Variants in THAP10 observed in about 807,000 individuals in gnomAD.
THAP10 encodes the protein THAP domain containing 10.
THAP10 carries 10 observed loss-of-function variants against 15.7 expected under a neutral mutation model. That is an observed-to-expected ratio of 0.64 (90% CI 0.39 to 1.08). The LOEUF (loss-of-function observed/expected upper bound fraction) is 1.08, where lower values mean the gene tolerates loss of function less well. Ranked by LOEUF, THAP10 falls within the 50% of genes least tolerant of loss-of-function variation. The probability of loss-of-function intolerance (pLI) is 0.01; values close to 1 mark genes in which losing one functional copy is unlikely to be tolerated. For missense variants in THAP10, 310 were observed against 330.9 expected, an observed-to-expected ratio of 0.94 and a Z score of 0.49; for synonymous variants, 127 against 129.1, an observed-to-expected ratio of 0.98 and a Z score of 0.11.
chr15:70,882,885 C>T lies in THAP10; in HGVS notation c.453G>A (p.Val151=). The part of the protein sequence containing the change: ...ASQITCENEL[V]QTQPHADNPS... The stretch of plus-strand genomic sequence containing the variant: ...GATTATCAGCATGGGGTTGGGTTTG[C>T]ACAAGTTCATTTTCACACGTAATCT... The change falls in exon 2 of 3, where the codon GTG becomes GTA. Residue 151 remains valine, a synonymous_variant. Transcript: ENST00000249861. 1 of 1,613,952 alleles carries T rather than the reference C, an allele frequency of 6.2e-7. No individual in the cohort carries two copies. Among genetic ancestry groups the T allele is most frequent in the South Asian group, 1.1e-5 (1 of 91,014 alleles).
At chr15:70,885,706 C>A (rs1000235905) in intron 1 of THAP10, among the ~76,000 whole-genome samples, 2 of 152,138 alleles carry the variant, frequency 1.3e-5, no homozygotes, top group African/African-American at 4.8e-5. Flanking sequence ...AATAACATAG[C>A]TTCAAGATAT....
intron 1 of THAP10, among the ~76,000 whole-genome samples, chr15:70,883,917 A>G (rs2033334865): frequency 6.6e-6 from 1 of 152,098 alleles, no homozygotes; most frequent in African/African-American, 2.4e-5. Context: ...CAGCCTCCCA[A>G]AGTGCTGGGA....
At chr15:70,889,475 G>T (rs1220757451) in intron 1 of THAP10, among the ~76,000 whole-genome samples, 1 of 152,170 alleles carries the variant, frequency 6.6e-6, no homozygotes, top group Admixed American at 6.5e-5. Context: ...GACTTGGGTT[G>T]TGGTTACACA....
intron 1 of THAP10, 31 bp from the exon 2 acceptor site, chr15:70,882,939 T>A: frequency 1.9e-6 from 3 of 1,611,528 alleles, no homozygotes; most frequent in Non-Finnish European, 2.5e-6. Flanking sequence ...AGAAACATAT[T>A]AAAGTGTACC....
chr15:70,887,707 C>T (rs2033447595), intron 1 of THAP10, among the ~76,000 whole-genome samples: 1 of 152,150 alleles, frequency 6.6e-6, no homozygotes, highest in African/African-American at 2.4e-5. Flanking sequence ...TTCCCCTCAC[C>T]TCTTCTGTTC....
At chr15:70,889,152 C>T (rs1228505898) in intron 1 of THAP10, among the ~76,000 whole-genome samples, 1 of 152,146 alleles carries the variant, frequency 6.6e-6, no homozygotes, top group Non-Finnish European at 1.5e-5. Flanking sequence ...ATGGTAGTAT[C>T]ACTTATGATA....
At position 70,882,795 on chromosome 15, in the gene THAP10, T is replaced by TTGTG; in HGVS notation, c.539_542dup (p.Gln181HisfsTer12). On this transcript the variant is annotated frameshift_variant, in exon 2 of 3. Coordinates refer to ENST00000249861, the MANE Select transcript of THAP10 (RefSeq NM_020147.4). LOFTEE classifies it low-confidence loss of function (END_TRUNC). ...GGTGACGGGGCCTTTTCAAAGAAAT[T>TTGTG]TGTGTACTTTTATGCACTGGGCCTT... 6.2e-7 allele frequency: 1 copy of TTGTG among 1,614,186 alleles called. No individual in the cohort carries two copies.
intron 1 of THAP10, among the ~76,000 whole-genome samples, chr15:70,884,698 A>C (rs1303302716): frequency 1.3e-5 from 2 of 152,216 alleles, no homozygotes; most frequent in Non-Finnish European, 2.9e-5. Context: ...GTCAAAGTCC[A>C]GAATAAACAC....
At position 70,892,114 on chromosome 15, in the gene THAP10, G is replaced by C; in HGVS notation, c.159C>G (p.Ile53Met). The change falls in exon 1 of 3, where the codon ATC becomes ATG. Residue 53 changes from isoleucine (I) to methionine (M), a missense_variant. Coordinates refer to ENST00000249861, the MANE Select transcript of THAP10 (RefSeq NM_020147.4). ...AGGCTGGGGCAAAGTGGTCAGAGCA[G>C]ATGACCGAGCGGTCATTGCCTCCGT... ...DWYGGNDRSV[I>M]CSDHFAPACF... 1 of 1,614,016 alleles carries C rather than the reference G, an allele frequency of 6.2e-7. No individual in the cohort carries two copies.
At chr15:70,883,648 A>AT (rs2033326041) in intron 1 of THAP10, among the ~76,000 whole-genome samples, 4 of 122,646 alleles carry the variant, frequency 3.3e-5, no homozygotes, top group African/African-American at 1.4e-4. Context: ...TGTGAAATGG[A>AT]ATTTTTTTTT....
At chr15:70,891,565 CTCTGTGTGTGTGTG>C (rs1280138699) in intron 1 of THAP10, among the ~76,000 whole-genome samples, 1 of 118,954 alleles carries the variant, frequency 8.4e-6, no homozygotes, top group African/African-American at 3.0e-5. Context: ...CAGGACAAGA[CTCTGTGTGTGTGTG>C]TGTGTGTGTG....
At chr15:70,884,139 A>G (rs2033341446) in intron 1 of THAP10, among the ~76,000 whole-genome samples, 1 of 152,194 alleles carries the variant, frequency 6.6e-6, no homozygotes, top group African/African-American at 2.4e-5. Context: ...AATGAAAACA[A>G]AATTAAAGTG....
chr15:70,891,026 G>C (rs1036173447), intron 1 of THAP10, among the ~76,000 whole-genome samples: 8 of 152,220 alleles, frequency 5.3e-5, no homozygotes, highest in African/African-American at 1.9e-4. Flanking sequence ...TAGTACTGCA[G>C]AAAGAGTGTT....
chr15:70,887,918 T>C (rs1450880220), intron 1 of THAP10, among the ~76,000 whole-genome samples: 2 of 152,194 alleles, frequency 1.3e-5, no homozygotes, highest in Non-Finnish European at 2.9e-5. Flanking sequence ...TATGCACTTA[T>C]AGATTATAAA....
At chr15:70,884,445 G>A (rs1027293273) in intron 1 of THAP10, among the ~76,000 whole-genome samples, 4 of 152,054 alleles carry the variant, frequency 2.6e-5, no homozygotes, top group East Asian at 1.9e-4. Flanking sequence ...GCTTGAAGCC[G>A]GGAGGCAGAG....
At chr15:70,891,214 T>G (rs1426044213) in intron 1 of THAP10, among the ~76,000 whole-genome samples, 7 of 152,058 alleles carry the variant, frequency 4.6e-5, no homozygotes, top group Non-Finnish European at 1.0e-4. Context: ...GCAAAATGAG[T>G]GCAAACAATG....
chr15:70,892,010 G>A lies in THAP10; in HGVS notation c.263C>T (p.Thr88Ile). The change falls in exon 1 of 3, where the codon ACC (threonine) becomes ATC (isoleucine). Residue 88 changes from threonine (T) to isoleucine (I), a missense_variant. Coordinates refer to ENST00000249861, the MANE Select transcript of THAP10 (RefSeq NM_020147.4). Reference sequence around the variant, plus strand: ...TGCCGGGGCGGGCACCCGGTGCAGGGTGGGCACGGCGCCTGCCACCAGCCT... The same window carrying A: ...TGCCGGGGCGGGCACCCGGTGCAGGATGGGCACGGCGCCTGCCACCAGCCT... ...RLRLVAGAVP[T>I]LHRVPAPAPK... 6.2e-7 allele frequency: 1 copy of A among 1,613,116 alleles called. No individual in the cohort carries two copies. Among genetic ancestry groups the A allele is most frequent in the Non-Finnish European group, 8.5e-7 (1 of 1,179,682 alleles).
chr15:70,881,713 C>T lies in THAP10; in HGVS notation c.*741G>A, dbSNP rs558797738. ...ATACCTAACACCTGCAATGGGAATA[C>T]GTTAGAAATGTAGTACTTTTATTTT... On this transcript the variant is annotated 3_prime_UTR_variant, in exon 3 of 3. Coordinates refer to ENST00000249861, the MANE Select transcript of THAP10 (RefSeq NM_020147.4). 8 of 152,220 alleles carry T rather than the reference C, an allele frequency of 5.3e-5. No homozygotes were observed. The highest frequency in any genetic ancestry group is 1.4e-4 in the African/African-American group (6 of 41,536). The allele number at this position is 152,220 out of a possible 1,614,324, so 9.4% of individuals were successfully genotyped here.
rs754330488 is a variant in THAP10, at chr15:70,891,984, G to A, written c.289C>T (p.Pro97Ser). The stretch of plus-strand genomic sequence containing the variant: ...TGGTCTCCCTCCTCTCCCCTCTTAG[G>A]TGCCGGGGCGGGCACCCGGTGCAGG... Reference protein sequence around the residue: ...PTLHRVPAPAPKRGEEGDQAG... With the variant: ...PTLHRVPAPASKRGEEGDQAG... Residue 97 changes from proline to serine, a missense_variant, in exon 1 of 3, where the codon CCT becomes TCT. Physicochemically the swap from Pro to Ser is moderately conservative, Grantham distance 74. Coordinates refer to ENST00000249861, the MANE Select transcript of THAP10 (RefSeq NM_020147.4). 5.0e-6 allele frequency: 8 copies of A among 1,613,394 alleles called. No individual in the cohort carries two copies. In the East Asian group the frequency reaches 6.7e-5, roughly 13 times the overall value.
Sources: allele counts gnomAD v4.1 joint callset (sites outside exome capture counted in the v4.1 genomes callset), GRCh38; gene constraint gnomAD v4.1.1; transcripts MANE v1.5; gene names NCBI Gene and HGNC (gene_info 2026-07-23, HGNC 2026-07-21).